The following IFT80 variants were observed in gnomAD, a reference collection of about 807,000 sequenced individuals.
IFT80 encodes intraflagellar transport protein 80 homolog.
Under a neutral mutation model 107.9 loss-of-function variants are expected in IFT80, and 79 were observed. That is an observed-to-expected ratio of 0.73 (90% CI 0.61 to 0.88). The LOEUF (loss-of-function observed/expected upper bound fraction) is 0.88. IFT80 is among the 40% of genes least tolerant of loss of function. The pLI is 0.00. For synonymous variants in IFT80, 299 were observed against 300.9 expected (o/e 0.99, Z 0.07); for missense variants, 797 against 914.2 (o/e 0.87, Z 1.65).
intron 14 of IFT80, 62 bp from the exon 15 acceptor site, chr3:160,280,876 C>G (rs1714638331): frequency 7.1e-7 from 1 of 1,414,846 alleles, no homozygotes; most frequent in Non-Finnish European, 9.8e-7. Flanking sequence ...AAAAATAGAT[C>G]TTTAAAATGC....
intron 4 of IFT80, among the ~76,000 whole-genome samples, chr3:160,376,504 G>A (rs1043627714): frequency 6.6e-6 from 1 of 152,204 alleles, no homozygotes; most frequent in African/African-American, 2.4e-5. Flanking sequence ...GAAAGTCCTA[G>A]AGAAGGCCCA....
intron 8 of IFT80, among the ~76,000 whole-genome samples, chr3:160,344,876 A>G (rs1171011217): frequency 2.0e-5 from 3 of 152,196 alleles, no homozygotes; most frequent in African/African-American, 7.2e-5. Flanking sequence ...AGAAATGCAA[A>G]TCAACACTAC....
At chr3:160,343,722 T>C (rs1407257439) in intron 8 of IFT80, 2 of 267,912 alleles carry the variant, frequency 7.5e-6, no homozygotes, top group South Asian at 6.9e-5. Flanking sequence ...AAAAATGCCA[T>C]CTCCTTCGCC....
intron 8 of IFT80, among the ~76,000 whole-genome samples, chr3:160,336,115 A>G (rs1719444061): frequency 6.6e-6 from 1 of 152,194 alleles, no homozygotes. Flanking sequence ...TGTTGCTATG[A>G]GCATTTATGT....
At chr3:160,388,145 A>G (rs1401563308) in intron 1 of IFT80, among the ~76,000 whole-genome samples, 3 of 152,176 alleles carry the variant, frequency 2.0e-5, no homozygotes, top group Non-Finnish European at 4.4e-5. Context: ...GAATGAGGGA[A>G]GAGCAAAGAC....
chr3:160,389,354 A>G (rs1476688943), intron 1 of IFT80, among the ~76,000 whole-genome samples: 1 of 152,040 alleles, frequency 6.6e-6, no homozygotes, highest in Non-Finnish European at 1.5e-5. Flanking sequence ...TTATACTTTA[A>G]GTTTTAGGGT....
intron 19 of IFT80, among the ~76,000 whole-genome samples, chr3:160,264,738 C>T (rs921101230): frequency 1.3e-5 from 2 of 151,990 alleles, no homozygotes; most frequent in Non-Finnish European, 2.9e-5. Flanking sequence ...CCGCACCTTG[C>T]GGAATCAGGA....
intron 18 of IFT80, chr3:160,268,782 C>T (rs1713557112): frequency 2.2e-5 from 10 of 461,252 alleles, no homozygotes; most frequent in South Asian, 1.6e-4. Context: ...CTTATCTATG[C>T]TTCATACCAT....
In IFT80 at chr3:160,358,013, T is replaced by G. The variant is rs1721219624; in HGVS notation, c.550-435A>C. Among the ~76,000 whole-genome samples, 3 of 152,194 alleles carry G rather than the reference T, an allele frequency of 2.0e-5. No homozygotes were observed. The South Asian group carries it at 6.2e-4, about 32-fold the overall frequency. On this transcript the variant is annotated intron_variant, in intron 6 of 19. Transcript: ENST00000326448. Reference sequence around the variant, plus strand: ...TTGTTTACTTATTTATTTTATTTATTTATTTATTTATTTTTGAGACAGGGT... The same window carrying G: ...TTGTTTACTTATTTATTTTATTTATGTATTTATTTATTTTTGAGACAGGGT...
intron 8 of IFT80, among the ~76,000 whole-genome samples, chr3:160,347,840 T>C (rs1389070970): frequency 6.6e-6 from 1 of 152,208 alleles, no homozygotes; most frequent in African/African-American, 2.4e-5. Flanking sequence ...TCACTATTAA[T>C]ACTGTGATGA....
At chr3:160,332,061 TC>T (rs1719130283) in intron 8 of IFT80, among the ~76,000 whole-genome samples, 1 of 152,228 alleles carries the variant, frequency 6.6e-6, no homozygotes, top group Non-Finnish European at 1.5e-5. Flanking sequence ...ATTTAACATT[TC>T]CTCTGTCCCC....
chr3:160,272,516 T>C (rs1713891695), intron 18 of IFT80, among the ~76,000 whole-genome samples: 1 of 152,180 alleles, frequency 6.6e-6, no homozygotes, highest in Admixed American at 6.5e-5. Flanking sequence ...AAATTTTCCA[T>C]AATAAACAAT....
rs370676408 is a variant in IFT80, at chr3:160,304,321, G to C, written c.1077-332C>G. ...TGTGAGTTTGGGCAAGTCATCTAAT[G>C]ATTCTCATTTTAAAAACAGTAGCAG... On this transcript the variant is annotated intron_variant, in intron 10 of 19. Coordinates refer to ENST00000326448, the MANE Select transcript of IFT80 (RefSeq NM_020800.3). 1.6e-4 allele frequency among the ~76,000 whole-genome samples: 24 copies of C among 152,128 alleles called. No individual in the cohort carries two copies. In the East Asian group the frequency reaches 2.7e-3, roughly 17 times the overall value.
In IFT80 at chr3:160,257,864, G is replaced by C. The variant is rs1712484227; in HGVS notation, c.*661C>G. ...AAAGTGGCATCATATTTGGCCTTTT[G>C]TGTCTGGCTTATTTCACTTAGCATA... On this transcript the variant is annotated 3_prime_UTR_variant, in exon 20 of 20. Coordinates refer to ENST00000326448, the MANE Select transcript of IFT80 (RefSeq NM_020800.3). 6.6e-6 allele frequency: 1 copy of C among 152,396 alleles called. No individual in the cohort carries two copies. The highest frequency in any genetic ancestry group is 1.5e-5 in the Non-Finnish European group (1 of 68,316). 9.4% of individuals were successfully genotyped at this position (152,396 alleles called of 1,614,324 possible). A position where few individuals can be genotyped will look rare whatever the true frequency, so the allele number is the denominator to read the frequency against.
intron 12 of IFT80, among the ~76,000 whole-genome samples, chr3:160,286,449 G>T (rs1237307783): frequency 6.6e-6 from 1 of 152,206 alleles, no homozygotes; most frequent in East Asian, 1.9e-4. Context: ...GGGGAATTCA[G>T]TGGGCATGAA....
At chr3:160,320,828 C>T (rs561388918) in intron 8 of IFT80, among the ~76,000 whole-genome samples, 3 of 151,670 alleles carry the variant, frequency 2.0e-5, no homozygotes, top group East Asian at 3.9e-4. Context: ...TCATTATTAG[C>T]TACAGGCTCA....
chr3:160,359,493 C>T (rs1317074785), intron 6 of IFT80, among the ~76,000 whole-genome samples: 1 of 152,146 alleles, frequency 6.6e-6, no homozygotes, highest in East Asian at 1.9e-4. Flanking sequence ...GTTCTCCCAG[C>T]ACGGCGTTTG....
intron 2 of IFT80, 76 bp from the exon 3 acceptor site, chr3:160,381,800 A>G (rs928591439): frequency 2.9e-5 from 34 of 1,183,072 alleles, no homozygotes; most frequent in Non-Finnish European, 3.9e-5. Flanking sequence ...TGCAGATTAT[A>G]AGGTATAAGT....
intron 5 of IFT80, among the ~76,000 whole-genome samples, chr3:160,367,328 C>T (rs1721936378): frequency 6.6e-6 from 1 of 151,966 alleles, no homozygotes; most frequent in Non-Finnish European, 1.5e-5. Flanking sequence ...ATTAAACTGA[C>T]TCAATGCATA....
Sources: gnomAD v4.1 joint callset for allele counts (sites outside exome capture counted in the v4.1 genomes callset) on GRCh38, gnomAD v4.1.1 for gene constraint, MANE v1.5 for transcripts, NCBI Gene and HGNC (gene_info 2026-07-23, HGNC 2026-07-21) for gene names.